The following NPSR1 variants were observed in gnomAD, a reference collection of about 807,000 sequenced individuals.
NPSR1 encodes neuropeptide S receptor.
In NPSR1, 48 loss-of-function variants were observed where a neutral mutation model predicts 46.9. The ratio of observed to expected loss-of-function variants is 1.02; its 90% CI spans 0.81 to 1.30. The LOEUF is 1.30. Among genes scored for constraint, NPSR1 ranks in the 50% most tolerant of loss-of-function variants. The pLI is 0.00. For synonymous variants in NPSR1, 176 were observed against 168.1 expected (o/e 1.05, Z -0.36); for missense variants, 450 against 449.5 (o/e 1.00, Z -0.01).
chr7:34,760,918 T>A (rs949484168), intron 2 of NPSR1, among the ~76,000 whole-genome samples: 11 of 152,178 alleles, frequency 7.2e-5, no homozygotes, highest in Non-Finnish European at 1.5e-4. Flanking sequence ...AACATAGGCA[T>A]GTAGGCTACT....
chr7:34,696,522 G>C, intron 2 of NPSR1, among the ~76,000 whole-genome samples: 1 of 151,944 alleles, frequency 6.6e-6, no homozygotes, highest in East Asian at 1.9e-4. Flanking sequence ...GTCCTAGAAA[G>C]GAATAAAACA....
intron 2 of NPSR1, among the ~76,000 whole-genome samples, chr7:34,742,296 T>C (rs892049075): frequency 1.3e-5 from 2 of 152,190 alleles, no homozygotes; most frequent in African/African-American, 4.8e-5. Context: ...AATAGTTATC[T>C]TTTCTGCTCC....
chr7:34,799,337 C>G (rs1358512687), intron 3 of NPSR1, among the ~76,000 whole-genome samples: 2 of 150,460 alleles, frequency 1.3e-5, no homozygotes, highest in Non-Finnish European at 3.0e-5. Flanking sequence ...TCAATGAAAC[C>G]AAAAGCTGTT....
intron 8 of NPSR1, among the ~76,000 whole-genome samples, chr7:34,856,069 G>T (rs1172981883): frequency 2.0e-5 from 3 of 152,074 alleles, no homozygotes; most frequent in Non-Finnish European, 4.4e-5. Flanking sequence ...AAGCTTTGAA[G>T]ATGTTCCTTT....
intron 2 of NPSR1, chr7:34,750,126 G>GTA: frequency 3.8e-6 from 1 of 260,082 alleles, no homozygotes; most frequent in Non-Finnish European, 7.0e-6. Flanking sequence ...GATCGTGTAT[G>GTA]TATTTTTTTT....
chr7:34,740,457 C>A (rs957215487), intron 2 of NPSR1, among the ~76,000 whole-genome samples: 4 of 151,844 alleles, frequency 2.6e-5, no homozygotes, highest in African/African-American at 9.7e-5. Context: ...CGAAGTTCAG[C>A]TGGAGGTTTC....
chr7:34,659,342 T>C (rs6946103), intron 1 of NPSR1, among the ~76,000 whole-genome samples: 126 of 152,348 alleles, frequency 8.3e-4, no homozygotes, highest in Middle Eastern at 3.4e-3. Flanking sequence ...ATATGTTTAG[T>C]CATTGCAATA....
chr7:34,811,316 A>G (rs1332928354), intron 3 of NPSR1, among the ~76,000 whole-genome samples: 1 of 152,100 alleles, frequency 6.6e-6, no homozygotes, highest in Non-Finnish European at 1.5e-5. Flanking sequence ...TTGGCTGTCC[A>G]GGGCCATTCT....
At chr7:34,750,807 C>A (rs1785480013) in intron 2 of NPSR1, 8 of 693,196 alleles carry the variant, frequency 1.2e-5, no homozygotes. Flanking sequence ...TCAGTTTAGG[C>A]TGTGTGGAAC....
Position 34,795,663 on chromosome 7 carries a change from C to G in NPSR1, c.385-16107C>G, listed in dbSNP as rs1353363093. 3.9e-5 allele frequency among the ~76,000 whole-genome samples: 6 copies of G among 152,032 alleles called. No individual in the cohort carries two copies. In the East Asian group the frequency reaches 1.2e-3, roughly 29 times the overall value. ...AAAAACAATATTATCTGCATTAGCA[C>G]ACCTGAAAATGAAATAATTAGGTAT... On this transcript the variant is annotated intron_variant, in intron 3 of 8. Transcript: ENST00000360581.
At chr7:34,763,605 G>C (rs1786285038) in intron 2 of NPSR1, among the ~76,000 whole-genome samples, 1 of 152,102 alleles carries the variant, frequency 6.6e-6, no homozygotes, top group Non-Finnish European at 1.5e-5. Context: ...GCCAATCTCA[G>C]TACTCAGAAA....
intron 3 of NPSR1, among the ~76,000 whole-genome samples, chr7:34,783,584 T>C (rs1787329034): frequency 6.6e-6 from 1 of 152,056 alleles, no homozygotes; most frequent in African/African-American, 2.4e-5. Flanking sequence ...AAAAAAAATA[T>C]AGATTATTTA....
In NPSR1 at chr7:34,658,555, TTAAGG is replaced by T; in HGVS notation, c.147+1_147+5del. ...GAATGGGGTTCCTTCTACTACTCCT[TTAAGG>T]TAAGTTTCTTGCCTGCGACTCTGAA... On this transcript the variant is annotated splice_donor_variant and coding_sequence_variant, in exon 1 of 9. Transcript: ENST00000360581. LOFTEE classifies it high-confidence loss of function. The T allele has an allele frequency of 1.2e-6, 2 of 1,613,990 alleles. No individual in the cohort carries two copies. Among genetic ancestry groups the T allele is most frequent in the Non-Finnish European group, 1.7e-6 (2 of 1,179,890 alleles).
chr7:34,736,714 C>T (rs1337189354), intron 2 of NPSR1, among the ~76,000 whole-genome samples: 1 of 152,132 alleles, frequency 6.6e-6, no homozygotes, highest in Non-Finnish European at 1.5e-5. Flanking sequence ...GATCCTCCCG[C>T]CTCAGCCTCC....
chr7:34,660,286 T>C (rs1791391566), intron 1 of NPSR1: 1 of 442,930 alleles, frequency 2.3e-6, no homozygotes, highest in Non-Finnish European at 4.6e-6. Flanking sequence ...ATTTGAGAGA[T>C]ACGTGTATTG....
intron 8 of NPSR1, among the ~76,000 whole-genome samples, chr7:34,860,623 A>C (rs1430585518): frequency 6.6e-6 from 1 of 151,904 alleles, no homozygotes; most frequent in Non-Finnish European, 1.5e-5. Context: ...GAAATATATA[A>C]GGAAAATCAG....
At chr7:34,869,454 A>T (rs1342504742) in intron 8 of NPSR1, among the ~76,000 whole-genome samples, 2 of 151,634 alleles carry the variant, frequency 1.3e-5, no homozygotes, top group African/African-American at 4.9e-5. Context: ...TACTGCTAGG[A>T]TTATTGCAGT....
intron 1 of NPSR1, among the ~76,000 whole-genome samples, chr7:34,680,234 TA>T (rs1332290684): frequency 2.6e-5 from 4 of 152,234 alleles, no homozygotes; most frequent in African/African-American, 7.2e-5. Flanking sequence ...TAATCTCCAC[TA>T]AAAATACAAA....
intron 2 of NPSR1, among the ~76,000 whole-genome samples, chr7:34,712,017 C>T (rs1427691070): frequency 6.6e-6 from 1 of 152,204 alleles, no homozygotes; most frequent in Non-Finnish European, 1.5e-5. Flanking sequence ...CACAAATATC[C>T]TCATATGATC....
Sources: gnomAD v4.1 joint callset for allele counts (sites outside exome capture counted in the v4.1 genomes callset) on GRCh38, gnomAD v4.1.1 for gene constraint, MANE v1.5 for transcripts, NCBI Gene and HGNC (gene_info 2026-07-23, HGNC 2026-07-21) for gene names.